Variants in TTC39B observed in about 807,000 individuals in gnomAD.
The protein encoded by TTC39B is tetratricopeptide repeat domain 39B, also known as tetratricopeptide repeat protein 39B.
Under a neutral mutation model 96.6 loss-of-function variants are expected in TTC39B, and 92 were observed. The ratio of observed to expected loss-of-function variants is 0.95; its 90% confidence interval spans 0.80 to 1.13. The LOEUF is 1.13. Ranked by LOEUF, TTC39B falls within the 50% of genes most tolerant of loss-of-function variation. The probability of loss-of-function intolerance (pLI) is 0.00; values close to 1 mark genes in which losing one functional copy is unlikely to be tolerated. For missense variants in TTC39B, 955 were observed against 809.3 expected (o/e 1.18, Z -2.18); for synonymous variants, 367 against 299.4 (o/e 1.23, Z -2.33).
At chr9:15,222,506 T>C (rs1820901565) in intron 3 of TTC39B, among the ~76,000 whole-genome samples, 1 of 152,178 alleles carries the variant, frequency 6.6e-6, no homozygotes, top group Non-Finnish European at 1.5e-5. Context: ...CCCTCTTCTC[T>C]CAAAAGCCCT....
chr9:15,226,083 T>C, intron 2 of TTC39B, 71 bp from the exon 3 acceptor site: 1 of 1,285,246 alleles, frequency 7.8e-7, no homozygotes, highest in Non-Finnish European at 1.1e-6. Flanking sequence ...ACCAGTGCAA[T>C]TACACAACAT....
At chr9:15,292,171 C>T (rs1824210506) in intron 1 of TTC39B, among the ~76,000 whole-genome samples, 1 of 152,110 alleles carries the variant, frequency 6.6e-6, no homozygotes, top group South Asian at 2.1e-4. Flanking sequence ...GCATGTATGC[C>T]AAAGAAGGAA....
intron 2 of TTC39B, among the ~76,000 whole-genome samples, chr9:15,252,602 G>A (rs964233538): frequency 1.3e-5 from 2 of 151,990 alleles, no homozygotes; most frequent in African/African-American, 2.4e-5. Flanking sequence ...GAGCCAAGAT[G>A]GCGCTATGGC....
At chr9:15,185,152 C>A in intron 16 of TTC39B, 128 bp downstream of exon 16, 1 of 1,204,024 alleles carries the variant, frequency 8.3e-7, no homozygotes, top group South Asian at 1.7e-5. Flanking sequence ...TAGAAATGTT[C>A]AACTTACAAC....
exon 20 of TTC39B, chr9:15,170,554 C>T (rs1746331): frequency 0.78 from 119,305 of 152,040 alleles, 47,142 homozygotes; most frequent in East Asian, 0.92. Flanking sequence ...TACCAAATAC[C>T]ACACCGCTAT....
At chr9:15,219,808 C>T (rs1391655941) in intron 3 of TTC39B, among the ~76,000 whole-genome samples, 1 of 152,134 alleles carries the variant, frequency 6.6e-6, no homozygotes, top group Admixed American at 6.5e-5. Context: ...AGTCTATTCT[C>T]TCAGCGATGC....
At chr9:15,203,886 T>G in exon 7 of TTC39B, 1 of 1,612,714 alleles carries the variant, frequency 6.2e-7, no homozygotes. Context: ...CAGCATGCAT[T>G]TCCTCTACAA....
At chr9:15,199,008 C>T (rs958424106) in intron 8 of TTC39B, among the ~76,000 whole-genome samples, 5 of 152,094 alleles carry the variant, frequency 3.3e-5, no homozygotes, top group African/African-American at 4.8e-5. Flanking sequence ...ATTATAAATA[C>T]ATATTATAAA....
chr9:15,187,234 T>C (rs955157591), intron 14 of TTC39B, among the ~76,000 whole-genome samples, 199 bp from the exon 15 acceptor site: 2 of 152,180 alleles, frequency 1.3e-5, no homozygotes, highest in Non-Finnish European at 2.9e-5. Flanking sequence ...CATTTTCCTA[T>C]TATACAACTA....
chr9:15,259,017 TC>T lies in TTC39B; in HGVS notation c.275+8896del, dbSNP rs1320270846. On this transcript the variant is annotated intron_variant, in intron 2 of 19. Transcript: ENST00000512701. The stretch of plus-strand genomic sequence containing the variant: ...CACAACAGCAGACCATTAGAGTAGA[TC>T]TAACAGGACAAAAGAAAATACAAAG... Among the ~76,000 whole-genome samples, 6 of 152,038 alleles carry T rather than the reference TC, an allele frequency of 3.9e-5. No individual in the cohort carries two copies. In the East Asian group the frequency reaches 1.2e-3, roughly 29 times the overall value.
At chr9:15,223,894 C>A (rs1308980688) in intron 3 of TTC39B, among the ~76,000 whole-genome samples, 1 of 151,718 alleles carries the variant, frequency 6.6e-6, no homozygotes, top group East Asian at 1.9e-4. Flanking sequence ...ATTAGGGATG[C>A]CCACCCTGTG....
At chr9:15,280,398 C>T (rs1306674732) in intron 1 of TTC39B, among the ~76,000 whole-genome samples, 1 of 152,126 alleles carries the variant, frequency 6.6e-6, no homozygotes, top group East Asian at 1.9e-4. Flanking sequence ...GTTTCCTTCC[C>T]TACCGCATTG....
chr9:15,249,735 A>C, intron 2 of TTC39B: 1 of 325,402 alleles, frequency 3.1e-6, no homozygotes, highest in Non-Finnish European at 4.9e-6. Context: ...GGGGAAGCCA[A>C]GCAGGCTTGA....
chr9:15,252,609 T>C (rs566701711), intron 2 of TTC39B, among the ~76,000 whole-genome samples: 3 of 151,804 alleles, frequency 2.0e-5, no homozygotes, highest in East Asian at 1.9e-4. Flanking sequence ...GATGGCGCTA[T>C]GGCACTCCAG....
At chr9:15,252,236 T>G (rs1013756949) in intron 2 of TTC39B, among the ~76,000 whole-genome samples, 1 of 152,212 alleles carries the variant, frequency 6.6e-6, no homozygotes, top group East Asian at 1.9e-4. Flanking sequence ...CTTTCAAAAT[T>G]AATTAAGTCC....
exon 15 of TTC39B, chr9:15,186,946 G>T: frequency 6.2e-7 from 1 of 1,613,266 alleles, no homozygotes; most frequent in Non-Finnish European, 8.5e-7. Flanking sequence ...TCACATACCT[G>T]AATAAAGTTA....
intron 2 of TTC39B, among the ~76,000 whole-genome samples, chr9:15,246,656 G>A (rs774236437): frequency 6.6e-6 from 1 of 152,232 alleles, no homozygotes; most frequent in Non-Finnish European, 1.5e-5. Flanking sequence ...CTAAAGCTCA[G>A]AACCACATTG....
At chr9:15,217,717 G>T (rs995933872) in intron 3 of TTC39B, among the ~76,000 whole-genome samples, 85 of 152,080 alleles carry the variant, frequency 5.6e-4, no homozygotes, top group African/African-American at 2.0e-3. Flanking sequence ...TTGACTCCAT[G>T]GTTCTCAAAC....
intron 3 of TTC39B, among the ~76,000 whole-genome samples, chr9:15,225,334 A>G (rs1194197162): frequency 3.3e-5 from 5 of 152,216 alleles, no homozygotes; most frequent in African/African-American, 2.4e-5. Flanking sequence ...ATAGTAATAC[A>G]TATTTCATTC....
Sources: allele counts gnomAD v4.1 joint callset (sites outside exome capture counted in the v4.1 genomes callset), GRCh38; gene constraint gnomAD v4.1.1; transcripts MANE v1.5; gene names NCBI Gene and HGNC (gene_info 2026-07-23, HGNC 2026-07-21).